Variants in SPIDR observed in about 807,000 individuals in gnomAD.
The protein encoded by SPIDR is scaffold protein involved in DNA repair.
In SPIDR, 93 loss-of-function variants were observed where a neutral mutation model predicts 104.6. The observed-to-expected ratio is 0.89, with a 90% CI of 0.75 to 1.06. The LOEUF (loss-of-function observed/expected upper bound fraction) is 1.06, where lower values mean the gene tolerates loss of function less well. SPIDR is among the 50% of genes least tolerant of loss of function. SPIDR has a pLI of 0.00. For synonymous variants in SPIDR, 431 were observed against 416.9 expected (o/e 1.03, Z -0.41); for missense variants, 1,154 against 1,111.2 (o/e 1.04, Z -0.55).
intron 8 of SPIDR, among the ~76,000 whole-genome samples, chr8:47,457,595 TTTAA>T (rs1554710590): frequency 6.6e-6 from 1 of 152,176 alleles, no homozygotes; most frequent in Non-Finnish European, 1.5e-5. Context: ...AGCTCTTTAG[TTTAA>T]TTAAGTTCCA....
chr8:47,623,451 A>G (rs965513609), intron 10 of SPIDR, among the ~76,000 whole-genome samples: 4 of 152,236 alleles, frequency 2.6e-5, no homozygotes, highest in Non-Finnish European at 5.9e-5. Flanking sequence ...CAAATTGGAT[A>G]AAGAGTCAAG....
intron 7 of SPIDR, among the ~76,000 whole-genome samples, chr8:47,430,206 C>T (rs150895828): frequency 4.2e-4 from 64 of 152,290 alleles, no homozygotes; most frequent in African/African-American, 1.4e-3. Context: ...CTATTTTAAT[C>T]CTTAAGCTAA....
At chr8:47,354,065 C>G (rs2054055198) in intron 5 of SPIDR, among the ~76,000 whole-genome samples, 1 of 152,074 alleles carries the variant, frequency 6.6e-6, no homozygotes, top group East Asian at 1.9e-4. Flanking sequence ...GGTGAAATAA[C>G]AGCTCTCCTA....
At chr8:47,323,092 AAAAG>A (rs1346536625) in intron 5 of SPIDR, among the ~76,000 whole-genome samples, 1 of 147,306 alleles carries the variant, frequency 6.8e-6, no homozygotes, top group African/African-American at 2.7e-5. Flanking sequence ...GTATAATAAA[AAAAG>A]AAGAAGAAGA....
chr8:47,486,340 A>C (rs970369308), intron 8 of SPIDR, among the ~76,000 whole-genome samples: 14 of 152,320 alleles, frequency 9.2e-5, no homozygotes, highest in Middle Eastern at 3.4e-3. Context: ...CCTCCAAGAA[A>C]TATGGGACTA....
intron 14 of SPIDR, 76 bp downstream of exon 14, chr8:47,702,091 TCTCTCTTACA>T (rs1238082663): frequency 0.015 from 1,235 of 84,690 alleles, 63 homozygotes; most frequent in African/African-American, 0.052. Flanking sequence ...TCTCTCTCTC[TCTCTCTTACA>T]CACACACACA....
intron 8 of SPIDR, among the ~76,000 whole-genome samples, chr8:47,535,586 TTAATG>T (rs1184652464): frequency 6.6e-6 from 1 of 151,934 alleles, no homozygotes; most frequent in African/African-American, 2.4e-5. Context: ...CAAAAAACAA[TTAATG>T]TAATCCATCA....
At chr8:47,451,433 TTACCTGGA>T (rs1343299480) in intron 8 of SPIDR, among the ~76,000 whole-genome samples, 264 of 151,922 alleles carry the variant, frequency 1.7e-3, no homozygotes, top group Admixed American at 2.6e-3. Context: ...AATGCAAAAA[TTACCTGGA>T]TATGGTGGTG....
At chr8:47,504,547 T>C (rs1171598451) in intron 8 of SPIDR, among the ~76,000 whole-genome samples, 1 of 152,196 alleles carries the variant, frequency 6.6e-6, no homozygotes, top group Non-Finnish European at 1.5e-5. Context: ...TAATCTTTTT[T>C]CAAGGTTTTT....
intron 5 of SPIDR, among the ~76,000 whole-genome samples, chr8:47,346,390 T>C (rs1554618063): frequency 6.6e-6 from 1 of 152,246 alleles, no homozygotes; most frequent in African/African-American, 2.4e-5. Context: ...TTGTGGATTT[T>C]TGCATTGATG....
At chr8:47,542,331 T>G (rs1168639086) in intron 8 of SPIDR, among the ~76,000 whole-genome samples, 1 of 152,106 alleles carries the variant, frequency 6.6e-6, no homozygotes. Context: ...TTGTGGTGAA[T>G]GTAACCAGAG....
At chr8:47,372,425 G>C (rs1302905469) in intron 5 of SPIDR, among the ~76,000 whole-genome samples, 1 of 152,118 alleles carries the variant, frequency 6.6e-6, no homozygotes, top group African/African-American at 2.4e-5. Flanking sequence ...AGGAGTTCGA[G>C]ACCAGCCTGA....
intron 8 of SPIDR, among the ~76,000 whole-genome samples, chr8:47,443,603 TAACAA>T (rs1458970703): frequency 1.3e-5 from 2 of 148,620 alleles, no homozygotes; most frequent in Admixed American, 1.3e-4. Context: ...ACCTCATACT[TAACAA>T]AACAAAACCA....
chr8:47,531,561 T>C (rs72646351), intron 8 of SPIDR, among the ~76,000 whole-genome samples: 4,476 of 152,332 alleles, frequency 0.029, 97 homozygotes, highest in Non-Finnish European at 0.047. Flanking sequence ...GTTTGTGTTT[T>C]CAGAAGACTT....
At chr8:47,419,649 G>C (rs1356409795) in intron 7 of SPIDR, among the ~76,000 whole-genome samples, 2 of 151,940 alleles carry the variant, frequency 1.3e-5, no homozygotes, top group African/African-American at 4.8e-5. Context: ...GTTATTTCTT[G>C]CCTTCTGCTA....
chr8:47,446,813 G>C (rs1259164723), intron 8 of SPIDR, among the ~76,000 whole-genome samples: 1 of 152,026 alleles, frequency 6.6e-6, no homozygotes, highest in African/African-American at 2.4e-5. Flanking sequence ...TCTGGAACTC[G>C]TGACCTCGTG....
At chr8:47,608,809 G>T (rs552406116) in intron 10 of SPIDR, among the ~76,000 whole-genome samples, 5 of 152,210 alleles carry the variant, frequency 3.3e-5, no homozygotes, top group African/African-American at 1.2e-4. Context: ...CTGCAACCTC[G>T]GCCTCCTGGT....
intron 8 of SPIDR, among the ~76,000 whole-genome samples, chr8:47,522,621 A>G (rs915309560): frequency 3.9e-4 from 59 of 152,296 alleles, no homozygotes; most frequent in Admixed American, 1.1e-3. Flanking sequence ...TCCTACCCAA[A>G]ATCACACAAT....
At chr8:47,645,497 G>C (rs1051997296) in intron 10 of SPIDR, among the ~76,000 whole-genome samples, 1 of 152,098 alleles carries the variant, frequency 6.6e-6, no homozygotes, top group African/African-American at 2.4e-5. Flanking sequence ...TGCGCTTACC[G>C]TGGAGGAGAG....
Sources: allele counts gnomAD v4.1 joint callset (sites outside exome capture counted in the v4.1 genomes callset), GRCh38; gene constraint gnomAD v4.1.1; transcripts MANE v1.5; gene names NCBI Gene and HGNC (gene_info 2026-07-23, HGNC 2026-07-21).